MAPRE2: variants seen among roughly 807,000 people sequenced by gnomAD.
MAPRE2 encodes microtubule associated protein RP/EB family member 2.
In MAPRE2, 13 loss-of-function variants were observed where a neutral mutation model predicts 43.2. The observed-to-expected ratio is 0.30, with a 90% confidence interval of 0.20 to 0.48. The LOEUF (loss-of-function observed/expected upper bound fraction) is 0.48. Among genes scored for constraint, MAPRE2 ranks in the 20% least tolerant of loss-of-function variants. The pLI is 0.99. For missense variants in MAPRE2, 161 were observed against 400.2 expected (o/e 0.40, Z 5.10); for synonymous variants, 135 against 148.8 (o/e 0.91, Z 0.68).
At chr18:35,077,284 C>T (rs919840395) in intron 2 of MAPRE2, among the ~76,000 whole-genome samples, 32 of 147,028 alleles carry the variant, frequency 2.2e-4, no homozygotes, top group African/African-American at 8.2e-4. Context: ...CACACACACA[C>T]ACACACAATT....
In MAPRE2 at chr18:35,030,366, C is replaced by G. The variant is rs190922144; in HGVS notation, c.-8+24813C>G. Among the ~76,000 whole-genome samples, 36 of 152,326 alleles carry G rather than the reference C, an allele frequency of 2.4e-4. 2 individuals carry two copies. The highest frequency in any genetic ancestry group is 2.2e-3 in the Admixed American group (33 of 15,304). ...GCTATCTCATCCCTGCCACTCCCCA[C>G]CCTGGATTCTGCATTCTTCCTTCCA... On this transcript the variant is annotated intron_variant, in intron 2 of 7. Coordinates refer to the MAPRE2 transcript ENST00000413393.
At chr18:35,014,954 A>C (rs1333908708) in intron 2 of MAPRE2, among the ~76,000 whole-genome samples, 1 of 152,144 alleles carries the variant, frequency 6.6e-6, no homozygotes, top group Non-Finnish European at 1.5e-5. Context: ...TTTGCTAGCC[A>C]AAATGTCACT....
chr18:35,142,041 G>C lies in MAPRE2; in HGVS notation c.*1672G>C, dbSNP rs1197946488. On this transcript the variant is annotated 3_prime_UTR_variant, in exon 7 of 7. Transcript: ENST00000300249. ...ACAACACACTGTGCAGAATTAGACA[G>C]ATGTTCCGTGGTGTTTGGTTTCCCT... is the stretch of plus-strand genomic sequence containing the variant. 1 of 152,210 alleles carries C rather than the reference G, an allele frequency of 6.6e-6. No individual in the cohort carries two copies. Among genetic ancestry groups the C allele is most frequent in the Non-Finnish European group, 1.5e-5 (1 of 68,034 alleles). 9.4% of individuals were successfully genotyped at this position (152,210 alleles called of 1,614,324 possible).
At chr18:35,019,952 T>A (rs1175269798) in intron 2 of MAPRE2, among the ~76,000 whole-genome samples, 2 of 152,144 alleles carry the variant, frequency 1.3e-5, no homozygotes, top group Non-Finnish European at 2.9e-5. Flanking sequence ...CATTCTAGTT[T>A]ACTTATCTCC....
chr18:35,057,733 T>C (rs373123037), intron 1 of MAPRE2, among the ~76,000 whole-genome samples: 1 of 152,210 alleles, frequency 6.6e-6, no homozygotes. Context: ...GGATGAACTC[T>C]GATCCTGGGA....
At chr18:35,096,582 AGAACATGACTCT>A (rs1908428059) in intron 2 of MAPRE2, among the ~76,000 whole-genome samples, 1 of 144,076 alleles carries the variant, frequency 6.9e-6, no homozygotes. Flanking sequence ...TTAGTCATAA[AGAACATGACTCT>A]GAACTTCTAT....
intron 2 of MAPRE2, among the ~76,000 whole-genome samples, chr18:35,027,345 C>T (rs192712677): frequency 2.4e-4 from 37 of 152,118 alleles, no homozygotes; most frequent in Non-Finnish European, 4.3e-4. Context: ...ACTGCCATGC[C>T]CTTCTGCCTG....
intron 1 of MAPRE2, among the ~76,000 whole-genome samples, chr18:34,978,855 G>A (rs527590015): frequency 6.6e-6 from 1 of 152,270 alleles, no homozygotes; most frequent in Admixed American, 6.5e-5. Context: ...ATCATCTGGG[G>A]AGCTTTGAGA....
intron 4 of MAPRE2, among the ~76,000 whole-genome samples, chr18:35,123,843 G>T (rs1247353333): frequency 6.6e-6 from 1 of 152,208 alleles, no homozygotes; most frequent in Non-Finnish European, 1.5e-5. Context: ...TTGGTGGTGA[G>T]AGCATAAGGT....
At chr18:34,981,545 G>C (rs534420460) in intron 1 of MAPRE2, among the ~76,000 whole-genome samples, 6 of 152,090 alleles carry the variant, frequency 3.9e-5, no homozygotes. Context: ...GAGAACAGAC[G>C]AGAACCACCC....
At position 35,107,758 on chromosome 18, in the gene MAPRE2, G is replaced by A. The variant is rs573473985; in HGVS notation, c.610+5599G>A. 4.6e-5 allele frequency among the ~76,000 whole-genome samples: 7 copies of A among 151,958 alleles called. No individual in the cohort carries two copies. The South Asian group carries it at 1.2e-3, about 27-fold the overall frequency. ...GGTATTATTCAGATCTTCTATGTGC[G>A]TTTTTTTACTTACCTAATACCAGTG... On this transcript the variant is annotated intron_variant, in intron 4 of 6. Transcript: ENST00000300249.
intron 2 of MAPRE2, among the ~76,000 whole-genome samples, chr18:35,075,531 A>G (rs528929966): frequency 3.9e-5 from 6 of 152,344 alleles, no homozygotes; most frequent in African/African-American, 1.4e-4. Flanking sequence ...TTAGCTTTAT[A>G]AAATCATTGA....
At chr18:35,057,247 T>C (rs1357927588) in intron 1 of MAPRE2, among the ~76,000 whole-genome samples, 4 of 152,158 alleles carry the variant, frequency 2.6e-5, no homozygotes, top group Non-Finnish European at 1.5e-5. Context: ...ACTCCTGACC[T>C]CAGGTGATCA....
At chr18:35,084,927 C>A (rs1765155457) in intron 2 of MAPRE2, among the ~76,000 whole-genome samples, 1 of 152,128 alleles carries the variant, frequency 6.6e-6, no homozygotes, top group Non-Finnish European at 1.5e-5. Context: ...TAAACAGTGT[C>A]CAAAGTTCCC....
At chr18:35,114,641 A>T (rs1302508666) in intron 4 of MAPRE2, among the ~76,000 whole-genome samples, 1 of 152,142 alleles carries the variant, frequency 6.6e-6, no homozygotes, top group Admixed American at 6.5e-5. Flanking sequence ...TGAAGGATAG[A>T]TGCAATTGGC....
intron 1 of MAPRE2, among the ~76,000 whole-genome samples, chr18:34,979,551 T>G (rs1217009868): frequency 6.6e-6 from 1 of 151,434 alleles, no homozygotes; most frequent in East Asian, 1.9e-4. Flanking sequence ...TAACTAGACA[T>G]CCTGTAACTT....
intron 4 of MAPRE2, among the ~76,000 whole-genome samples, chr18:35,114,500 T>C (rs771840149): frequency 2.6e-5 from 4 of 152,190 alleles, no homozygotes; most frequent in Admixed American, 2.0e-4. Flanking sequence ...AGGCCTCTTA[T>C]TAGCTCAAAA....
intron 6 of MAPRE2, among the ~76,000 whole-genome samples, chr18:35,132,998 A>G (rs1231122636): frequency 6.6e-6 from 1 of 152,172 alleles, no homozygotes; most frequent in Non-Finnish European, 1.5e-5. Flanking sequence ...TGGGGTGTCC[A>G]GCTTCTCTTA....
rs146057111 is a variant in MAPRE2, at chr18:35,012,266, C to A, written c.-8+6713C>A. Reference sequence around the variant, plus strand: ...TTTATGTATATATATGGATTTGAGACCTGAACTCTGGAAGAAAAAGAAATG... The same window carrying A: ...TTTATGTATATATATGGATTTGAGAACTGAACTCTGGAAGAAAAAGAAATG... On this transcript the variant is annotated intron_variant, in intron 2 of 7. Coordinates refer to the MAPRE2 transcript ENST00000413393. Among the ~76,000 whole-genome samples the A allele has an allele frequency of 3.8e-3, 581 of 152,048 alleles. 5 individuals are homozygous for A. Among genetic ancestry groups the A allele is most frequent in the Non-Finnish European group, 6.5e-3 (439 of 67,986 alleles).
Sources: allele counts gnomAD v4.1 joint callset (sites outside exome capture counted in the v4.1 genomes callset), GRCh38; gene constraint gnomAD v4.1.1; transcripts MANE v1.5; gene names NCBI Gene and HGNC (gene_info 2026-07-23, HGNC 2026-07-21).